Variants in TASP1 observed in about 807,000 individuals in gnomAD.
TASP1 encodes taspase 1, also known as threonine aspartase 1.
In TASP1, 16 loss-of-function variants were observed where a neutral mutation model predicts 56.6. The observed-to-expected ratio is 0.28, with a 90% CI of 0.19 to 0.43. The LOEUF (loss-of-function observed/expected upper bound fraction) is 0.43, where lower values mean the gene tolerates loss of function less well. Ranked by LOEUF, TASP1 falls within the 20% of genes least tolerant of loss-of-function variation. TASP1 has a pLI of 1.00. For missense variants in TASP1, 393 were observed against 511.6 expected, an observed-to-expected ratio of 0.77 and a Z score of 2.24; for synonymous variants, 179 against 184.2, an observed-to-expected ratio of 0.97 and a Z score of 0.23.
intron 13 of TASP1, chr20:13,393,784 C>T: frequency 3.3e-6 from 2 of 602,984 alleles, no homozygotes; most frequent in South Asian, 3.7e-5. Flanking sequence ...AATCTCCCCT[C>T]CTCACAATGT....
the TASP1 span, among the ~76,000 whole-genome samples, chr20:13,225,856 T>C: frequency 6.6e-6 from 1 of 152,192 alleles, no homozygotes; most frequent in East Asian, 1.9e-4. Context: ...TAATTAATGT[T>C]AATGATAAAA....
chr20:13,569,705 G>A, intron 6 of TASP1, 119 bp from the exon 7 acceptor site: 4 of 773,214 alleles, frequency 5.2e-6, no homozygotes, highest in South Asian at 2.2e-5. Flanking sequence ...CATAATTCCA[G>A]ATTTACCTCA....
At chr20:13,311,884 G>A in the TASP1 span, among the ~76,000 whole-genome samples, 3 of 152,126 alleles carry the variant, frequency 2.0e-5, no homozygotes, top group East Asian at 1.9e-4. Flanking sequence ...CATGATGACT[G>A]TAGTTAATAA....
chr20:13,277,559 T>C, the TASP1 span, among the ~76,000 whole-genome samples: 2 of 152,276 alleles, frequency 1.3e-5, no homozygotes, highest in African/African-American at 4.8e-5. Flanking sequence ...CCTGTTACCA[T>C]TACTCTCCCA....
chr20:13,218,107 C>T, the TASP1 span, among the ~76,000 whole-genome samples: 1 of 151,972 alleles, frequency 6.6e-6, no homozygotes, highest in African/African-American at 2.4e-5. Context: ...AAAAATCAGC[C>T]AGGCGTGGGG....
chr20:13,570,751 A>G (rs1034978786), intron 6 of TASP1, among the ~76,000 whole-genome samples: 1 of 152,154 alleles, frequency 6.6e-6, no homozygotes, highest in Non-Finnish European at 1.5e-5. Context: ...AGTTTTTCCT[A>G]TTCTTGTACG....
At chr20:13,429,839 T>C (rs1376948438) in intron 12 of TASP1, among the ~76,000 whole-genome samples, 2 of 152,186 alleles carry the variant, frequency 1.3e-5, no homozygotes, top group Admixed American at 6.5e-5. Flanking sequence ...GATCTTGGGA[T>C]TGGTGTGGCT....
chr20:13,291,048 T>C, the TASP1 span, among the ~76,000 whole-genome samples: 1 of 152,220 alleles, frequency 6.6e-6, no homozygotes, highest in Non-Finnish European at 1.5e-5. Flanking sequence ...TTTGGGGGCT[T>C]TCCTGTTGTT....
chr20:13,342,457 C>A, the TASP1 span, among the ~76,000 whole-genome samples: 2 of 152,124 alleles, frequency 1.3e-5, no homozygotes, highest in Admixed American at 6.5e-5. Context: ...GTGGGGACAG[C>A]GGCAGCAGAG....
At chr20:13,480,857 T>C (rs1451895595) in intron 11 of TASP1, among the ~76,000 whole-genome samples, 1 of 152,182 alleles carries the variant, frequency 6.6e-6, no homozygotes, top group African/African-American at 2.4e-5. Flanking sequence ...ATTTATGAGG[T>C]ACCTGAGATG....
the TASP1 span, among the ~76,000 whole-genome samples, chr20:13,208,040 T>C: frequency 1.3e-5 from 2 of 152,216 alleles, no homozygotes; most frequent in Non-Finnish European, 2.9e-5. Context: ...TTTTATTCAT[T>C]ACCAAAACTT....
At chr20:13,426,610 T>C (rs572124589) in intron 12 of TASP1, among the ~76,000 whole-genome samples, 1 of 152,318 alleles carries the variant, frequency 6.6e-6, no homozygotes, top group African/African-American at 2.4e-5. Flanking sequence ...AGATTATAGA[T>C]ACTTGCAATC....
the TASP1 span, among the ~76,000 whole-genome samples, chr20:13,251,094 C>T: frequency 6.6e-6 from 1 of 152,164 alleles, no homozygotes; most frequent in Non-Finnish European, 1.5e-5. Context: ...ATTTCTGCCT[C>T]CCTCCCTATA....
chr20:13,523,627 CT>C (rs1041144329), intron 10 of TASP1, among the ~76,000 whole-genome samples: 1 of 151,868 alleles, frequency 6.6e-6, no homozygotes, highest in African/African-American at 2.4e-5. Context: ...TAAGGCTGTT[CT>C]CAATTTTGGT....
chr20:13,325,751 T>C, the TASP1 span, among the ~76,000 whole-genome samples: 1 of 152,240 alleles, frequency 6.6e-6, no homozygotes, highest in African/African-American at 2.4e-5. Flanking sequence ...TGAACCTGAT[T>C]TTTCTTACAT....
the TASP1 span, among the ~76,000 whole-genome samples, chr20:13,181,376 C>T: frequency 6.6e-6 from 1 of 152,154 alleles, no homozygotes; most frequent in African/African-American, 2.4e-5. Flanking sequence ...TCTGGAATCT[C>T]CTCCCACGTA....
intron 8 of TASP1, among the ~76,000 whole-genome samples, chr20:13,555,644 G>A (rs1395177833): frequency 6.6e-6 from 1 of 151,984 alleles, no homozygotes; most frequent in African/African-American, 2.4e-5. Flanking sequence ...ATCCCTCAAA[G>A]TCATCCATGA....
chr20:13,417,330 G>T, intron 13 of TASP1, 118 bp downstream of exon 13: 1 of 876,430 alleles, frequency 1.1e-6, no homozygotes, highest in South Asian at 1.7e-5. Context: ...TGCTTATGAA[G>T]ACCACAAAGC....
At chr20:13,426,763 TG>T (rs1385845493) in intron 12 of TASP1, among the ~76,000 whole-genome samples, 1 of 152,200 alleles carries the variant, frequency 6.6e-6, no homozygotes, top group Non-Finnish European at 1.5e-5. Flanking sequence ...AGTTACTTAC[TG>T]TTCTTCATTC....
Sources: allele counts gnomAD v4.1 joint callset (sites outside exome capture counted in the v4.1 genomes callset), GRCh38; gene constraint gnomAD v4.1.1; transcripts MANE v1.5; gene names NCBI Gene and HGNC (gene_info 2026-07-23, HGNC 2026-07-21).